The following SNTG1 variants were observed in gnomAD, a reference collection of about 807,000 sequenced individuals.
SNTG1 encodes the protein syntrophin gamma 1.
SNTG1 carries 39 observed loss-of-function variants against 74.7 expected under a neutral mutation model. The ratio of observed to expected loss-of-function variants is 0.52; its 90% CI spans 0.40 to 0.68. The LOEUF (loss-of-function observed/expected upper bound fraction) is 0.68. SNTG1 is among the 30% of genes least tolerant of loss of function. The pLI, the probability that SNTG1 is intolerant of heterozygous loss-of-function variation, is 0.00. For missense variants in SNTG1, 685 were observed against 609.5 expected, an observed-to-expected ratio of 1.12 and a Z score of -1.30; for synonymous variants, 254 against 217.1, an observed-to-expected ratio of 1.17 and a Z score of -1.49.
At chr8:50,275,893 G>T (rs939892597) in intron 2 of SNTG1, among the ~76,000 whole-genome samples, 3 of 152,142 alleles carry the variant, frequency 2.0e-5, no homozygotes, top group African/African-American at 7.2e-5. Context: ...AAGATAACTT[G>T]TTTCTCTTTG....
intron 1 of SNTG1, among the ~76,000 whole-genome samples, chr8:50,089,228 T>C (rs2079616603): frequency 6.6e-6 from 1 of 152,144 alleles, no homozygotes; most frequent in Admixed American, 6.6e-5. Flanking sequence ...ACTGGATCCC[T>C]TCCTTACACC....
chr8:50,411,584 A>G (rs1290454409), intron 4 of SNTG1, among the ~76,000 whole-genome samples: 1 of 152,158 alleles, frequency 6.6e-6, no homozygotes, highest in Admixed American at 6.5e-5. Flanking sequence ...ATTTTATAAC[A>G]GAAAGATAAT....
chr8:50,026,260 T>C (rs1428328630), intron 1 of SNTG1, among the ~76,000 whole-genome samples: 1 of 152,174 alleles, frequency 6.6e-6, no homozygotes, highest in Non-Finnish European at 1.5e-5. Context: ...AAAATGTCTT[T>C]AGAAATGTGC....
chr8:50,131,182 A>G (rs1011634254), intron 1 of SNTG1, among the ~76,000 whole-genome samples: 2 of 152,132 alleles, frequency 1.3e-5, no homozygotes, highest in African/African-American at 4.8e-5. Flanking sequence ...CATTTATGAC[A>G]GTGTTTGCTT....
chr8:50,362,970 G>A (rs2092002517), intron 2 of SNTG1, among the ~76,000 whole-genome samples: 1 of 152,112 alleles, frequency 6.6e-6, no homozygotes. Flanking sequence ...CCTGTGGGAA[G>A]AGAAAGGATG....
chr8:50,429,796 G>T (rs1173545569), intron 4 of SNTG1, among the ~76,000 whole-genome samples: 1 of 151,880 alleles, frequency 6.6e-6, no homozygotes, highest in African/African-American at 2.4e-5. Context: ...AATTAAACGG[G>T]CAATCAAAAA....
At chr8:50,313,611 C>T (rs1268147288) in intron 2 of SNTG1, among the ~76,000 whole-genome samples, 1 of 149,750 alleles carries the variant, frequency 6.7e-6, no homozygotes, top group Non-Finnish European at 1.5e-5. Flanking sequence ...TGAGCTATAC[C>T]TCACACAAGT....
At chr8:50,023,076 G>A (rs1374637706) in intron 1 of SNTG1, among the ~76,000 whole-genome samples, 1 of 152,176 alleles carries the variant, frequency 6.6e-6, no homozygotes, top group African/African-American at 2.4e-5. Context: ...CGGTCCCCAA[G>A]GGGAGATCAA....
chr8:50,768,866 AG>A (rs2095620163), intron 18 of SNTG1, among the ~76,000 whole-genome samples: 1 of 152,028 alleles, frequency 6.6e-6, no homozygotes, highest in Non-Finnish European at 1.5e-5. Context: ...ACATTTGTGC[AG>A]GTGTGTGTTT....
intron 2 of SNTG1, among the ~76,000 whole-genome samples, chr8:50,215,055 G>T (rs1169279718): frequency 1.3e-5 from 2 of 152,022 alleles, no homozygotes; most frequent in South Asian, 2.1e-4. Flanking sequence ...AGTTTGCTTT[G>T]CAGGGTGGGT....
chr8:50,783,563 C>T (rs4466414), intron 18 of SNTG1, among the ~76,000 whole-genome samples: 48,744 of 151,934 alleles, frequency 0.32, 7,913 homozygotes, highest in Middle Eastern at 0.44. Flanking sequence ...GCACAGTATT[C>T]GGGTGGGAGT....
At chr8:50,049,414 T>C (rs1241169600) in intron 1 of SNTG1, among the ~76,000 whole-genome samples, 1 of 152,172 alleles carries the variant, frequency 6.6e-6, no homozygotes, top group Non-Finnish European at 1.5e-5. Flanking sequence ...CATTATTATA[T>C]TTATGCATGG....
At chr8:50,042,675 G>A (rs1333647149) in intron 1 of SNTG1, among the ~76,000 whole-genome samples, 1 of 151,938 alleles carries the variant, frequency 6.6e-6, no homozygotes, top group Non-Finnish European at 1.5e-5. Flanking sequence ...TCCTAGCCCA[G>A]CCTCTCAAGT....
chr8:50,784,020 C>T (rs1437882330), intron 18 of SNTG1, among the ~76,000 whole-genome samples: 2 of 152,166 alleles, frequency 1.3e-5, no homozygotes, highest in South Asian at 2.1e-4. Flanking sequence ...TTGTTCTTGC[C>T]AGATAGGGGT....
intron 2 of SNTG1, among the ~76,000 whole-genome samples, chr8:50,300,788 A>G (rs2089610154): frequency 6.6e-6 from 1 of 152,108 alleles, no homozygotes; most frequent in South Asian, 2.1e-4. Context: ...ATCTTTCTTT[A>G]TCTTGGAATG....
chr8:50,701,688 C>CTT (rs1207062730), intron 15 of SNTG1, among the ~76,000 whole-genome samples: 1 of 148,836 alleles, frequency 6.7e-6, no homozygotes, highest in African/African-American at 2.5e-5. Flanking sequence ...TCTTCTTCTT[C>CTT]TTTGCCTTCC....
intron 2 of SNTG1, among the ~76,000 whole-genome samples, chr8:50,281,350 G>A (rs1383701934): frequency 6.6e-6 from 1 of 152,154 alleles, no homozygotes. Flanking sequence ...GGTTTCTTTG[G>A]AATCCCCTTG....
At chr8:50,191,446 A>G (rs2083573078) in intron 2 of SNTG1, among the ~76,000 whole-genome samples, 1 of 152,158 alleles carries the variant, frequency 6.6e-6, no homozygotes, top group South Asian at 2.1e-4. Context: ...GATTCACAAG[A>G]GCACTACTGG....
At position 50,201,562 on chromosome 8, in the gene SNTG1, CCATGAT is replaced by C. The variant is rs2083988110; in HGVS notation, c.-28+28931_-28+28936del. Among the ~76,000 whole-genome samples the C allele has an allele frequency of 2.0e-5, 3 of 152,030 alleles. No individual in the cohort carries two copies. The South Asian group carries it at 6.2e-4, about 32-fold the overall frequency. ...TTCCTTTCTAGCGCTGCGTGACACT[CCATGAT>C]CATCTTGTTTACTTTCTGAGTTCTA... On this transcript the variant is annotated intron_variant, in intron 2 of 18. Coordinates refer to ENST00000642720, the MANE Select transcript of SNTG1 (RefSeq NM_018967.5).
Sources: gnomAD v4.1 joint callset for allele counts (sites outside exome capture counted in the v4.1 genomes callset) on GRCh38, gnomAD v4.1.1 for gene constraint, MANE v1.5 for transcripts, NCBI Gene and HGNC (gene_info 2026-07-23, HGNC 2026-07-21) for gene names.